ITPRID1: variants seen among roughly 807,000 people sequenced by gnomAD.
ITPRID1 encodes the protein ITPR interacting domain containing 1, also known as protein ITPRID1.
Under a neutral mutation model 95.4 loss-of-function variants are expected in ITPRID1, and 96 were observed. The observed-to-expected ratio is 1.01, with a 90% CI of 0.85 to 1.19. The LOEUF (loss-of-function observed/expected upper bound fraction) is 1.19. Ranked by LOEUF, ITPRID1 falls within the 50% of genes most tolerant of loss-of-function variation. The pLI is 0.00. For synonymous variants in ITPRID1, 510 were observed against 453.6 expected, an observed-to-expected ratio of 1.12 and a Z score of -1.58; for missense variants, 1,339 against 1,252.9, an observed-to-expected ratio of 1.07 and a Z score of -1.04.
intron 1 of ITPRID1, among the ~76,000 whole-genome samples, chr7:31,525,303 G>A (rs867942372): frequency 6.6e-6 from 1 of 152,042 alleles, no homozygotes; most frequent in African/African-American, 2.4e-5. Context: ...TCAAATACAG[G>A]GTGTCTCAAT....
At chr7:31,517,876 C>T (rs1021695695) in intron 1 of ITPRID1, 3 of 152,304 alleles carry the variant, frequency 2.0e-5, no homozygotes, top group African/African-American at 7.2e-5. Context: ...AATACTGGAA[C>T]TCAGAATAAG....
chr7:31,590,480 TAA>T, intron 10 of ITPRID1, among the ~76,000 whole-genome samples: 1 of 152,308 alleles, frequency 6.6e-6, no homozygotes, highest in Non-Finnish European at 1.5e-5. Flanking sequence ...TCTGGGGTTC[TAA>T]AAAAGATATA....
In ITPRID1 at chr7:31,643,824, G is replaced by A; in HGVS notation, c.2454G>A (p.Glu818=). ...ATCACCACCCTCACTGCCACGGGGA[G>A]AGGCAAAGCCCTGGCCCTGAACCCT... ...CCHHHPHCHG[E]RQSPGPEPSV... is the part of the protein sequence containing the mutation. The change falls in exon 12 of 15, where the codon GAG becomes GAA. Residue 818 remains glutamate (E), a synonymous_variant. Transcript: ENST00000615280. The A allele has an allele frequency of 1.9e-6, 3 of 1,613,944 alleles. No homozygotes were observed. Among genetic ancestry groups the A allele is most frequent in the Non-Finnish European group, 2.5e-6 (3 of 1,179,888 alleles).
chr7:31,572,179 T>C lies in ITPRID1; in HGVS notation c.386T>C (p.Val129Ala). 1 of 1,603,730 alleles carries C rather than the reference T, an allele frequency of 6.2e-7. No individual in the cohort carries two copies. Among genetic ancestry groups the C allele is most frequent in the Non-Finnish European group, 8.5e-7 (1 of 1,171,484 alleles). ...SFNSCYSTAS[V>A]PQSIPEWLEF... ...AACTCTTGCTATTCTACTGCAAGTGTACCACAAAGGTATGTAATTTCCAGG... is the reference window on the plus strand; with the variant it reads ...AACTCTTGCTATTCTACTGCAAGTGCACCACAAAGGTATGTAATTTCCAGG... The change falls in exon 7 of 15, where the codon GTA (valine) becomes GCA (alanine). Residue 129 changes from valine to alanine, a missense_variant. Coordinates refer to ENST00000615280, the MANE Select transcript of ITPRID1 (RefSeq NM_001257967.3).
chr7:31,610,940 A>G (rs928870547), intron 10 of ITPRID1, among the ~76,000 whole-genome samples: 2 of 151,672 alleles, frequency 1.3e-5, no homozygotes, highest in African/African-American at 4.8e-5. Context: ...TAGAATGTTT[A>G]ATCTATTTAG....
At position 31,542,626 on chromosome 7, in the gene ITPRID1, A is replaced by G. The variant is rs373194108; in HGVS notation, c.-97-6800A>G. On this transcript the variant is annotated intron_variant, in intron 1 of 14. Transcript: ENST00000615280. ...ATTAGAAGTTAGGATATTTTACTAAATAGTTCAAGATGTAGCTATCTTCAT... is the reference window on the plus strand; with the variant it reads ...ATTAGAAGTTAGGATATTTTACTAAGTAGTTCAAGATGTAGCTATCTTCAT... 2.6e-5 allele frequency among the ~76,000 whole-genome samples: 4 copies of G among 152,322 alleles called. No homozygotes were observed. In the East Asian group the frequency reaches 7.7e-4, roughly 29 times the overall value.
Position 31,577,885 on chromosome 7 carries a change from C to A in ITPRID1, c.621C>A (p.Ile207=). The A allele has an allele frequency of 6.2e-7, 1 of 1,605,062 alleles. No individual in the cohort carries two copies. The highest frequency in any genetic ancestry group is 8.5e-7 in the Non-Finnish European group (1 of 1,175,498). Residue 207 remains isoleucine (I), a synonymous_variant, in exon 9 of 15, where the codon ATC becomes ATA. Transcript: ENST00000615280. ...NLYGRFRQLE[I]LDHVTNAFSS... The stretch of plus-strand genomic sequence containing the variant: ...CAGGTCGTTTCCGACAGCTGGAAAT[C>A]CTGGACCATGTGACCAATGCCTTCT...
At chr7:31,515,877 T>C (rs917014781) in intron 1 of ITPRID1, among the ~76,000 whole-genome samples, 23 of 152,158 alleles carry the variant, frequency 1.5e-4, no homozygotes, top group African/African-American at 5.6e-4. Context: ...AACAAGCAGC[T>C]CTCCAAAATG....
intron 10 of ITPRID1, among the ~76,000 whole-genome samples, chr7:31,623,013 A>T (rs186476470): frequency 6.9e-4 from 105 of 151,166 alleles, no homozygotes; most frequent in Non-Finnish European, 9.2e-4. Flanking sequence ...GAAGAAATGG[A>T]TAAATTCCTC....
chr7:31,575,980 C>T (rs1228546627), intron 8 of ITPRID1, among the ~76,000 whole-genome samples: 1 of 152,026 alleles, frequency 6.6e-6, no homozygotes, highest in African/African-American at 2.4e-5. Flanking sequence ...TTGTTATCTC[C>T]TCTTGCAAGC....
chr7:31,619,974 G>A (rs201781171), intron 10 of ITPRID1, among the ~76,000 whole-genome samples: 54 of 152,298 alleles, frequency 3.5e-4, no homozygotes, highest in East Asian at 3.1e-3. Context: ...CTGGCTTGGC[G>A]GGTCCTACGC....
chr7:31,571,122 G>A (rs1963812), intron 6 of ITPRID1, among the ~76,000 whole-genome samples: 71,483 of 151,776 alleles, frequency 0.47, 17,223 homozygotes, highest in African/African-American at 0.53. Flanking sequence ...TCCACCTCCT[G>A]GGTTCAAGCA....
chr7:31,514,529 T>A (rs1269019703), intron 1 of ITPRID1, among the ~76,000 whole-genome samples: 1 of 152,130 alleles, frequency 6.6e-6, no homozygotes, highest in African/African-American at 2.4e-5. Context: ...CAATTAAATA[T>A]TGTGGTTTTG....
downstream of ITPRID1, among the ~76,000 whole-genome samples, chr7:31,657,361 T>C (rs1583775497): frequency 6.6e-6 from 1 of 152,330 alleles, no homozygotes; most frequent in African/African-American, 2.4e-5. Flanking sequence ...CCTGCTTCTG[T>C]CTGCGTTATA....
chr7:31,603,926 G>A (rs1423246205), intron 10 of ITPRID1, among the ~76,000 whole-genome samples: 1 of 152,120 alleles, frequency 6.6e-6, no homozygotes, highest in African/African-American at 2.4e-5. Flanking sequence ...CTCCAGGAAC[G>A]CTGCTCCCTA....
At chr7:31,583,717 G>C (rs1297291862) in intron 10 of ITPRID1, among the ~76,000 whole-genome samples, 1 of 152,094 alleles carries the variant, frequency 6.6e-6, no homozygotes, top group Non-Finnish European at 1.5e-5. Flanking sequence ...AATATTCCTG[G>C]GGCTAATGGT....
At chr7:31,553,297 A>G (rs977343835) in intron 3 of ITPRID1, 110 bp downstream of exon 3, 2 of 994,408 alleles carry the variant, frequency 2.0e-6, no homozygotes, top group South Asian at 1.7e-5. Context: ...TTTGGCTTTG[A>G]ATATACCAGT....
chr7:31,595,188 G>A lies in ITPRID1; in HGVS notation c.1228+11997G>A, dbSNP rs1409375018. ...GCCTCCCGAGTAGCTGGGATTACAG[G>A]CATGAGCCACCACACCCAGCTAATT... On this transcript the variant is annotated intron_variant, in intron 10 of 14. Coordinates refer to ENST00000615280, the MANE Select transcript of ITPRID1 (RefSeq NM_001257967.3). Among the ~76,000 whole-genome samples the A allele has an allele frequency of 2.6e-5, 4 of 151,200 alleles. No homozygotes were observed. In the East Asian group the frequency reaches 7.9e-4, roughly 30 times the overall value.
chr7:31,558,437 T>C (rs1784522307), intron 5 of ITPRID1, among the ~76,000 whole-genome samples: 1 of 152,128 alleles, frequency 6.6e-6, no homozygotes, highest in African/African-American at 2.4e-5. Context: ...CACAACACAG[T>C]CCTCTGGAGT....
Sources: gnomAD v4.1 joint callset for allele counts (sites outside exome capture counted in the v4.1 genomes callset) on GRCh38, gnomAD v4.1.1 for gene constraint, MANE v1.5 for transcripts, NCBI Gene and HGNC (gene_info 2026-07-23, HGNC 2026-07-21) for gene names.